Variants in PDZD2 observed in about 807,000 individuals in gnomAD.
PDZD2 encodes PDZ domain containing 2, also known as PDZ domain-containing protein 2.
A neutral mutation model predicts 220.7 loss-of-function variants in PDZD2; 90 were observed. The ratio of observed to expected loss-of-function variants is 0.41; its 90% confidence interval spans 0.34 to 0.49. The LOEUF (loss-of-function observed/expected upper bound fraction) is 0.49. Among genes scored for constraint, PDZD2 ranks in the 20% least tolerant of loss-of-function variants. The probability of loss-of-function intolerance (pLI) is 0.28; values close to 1 mark genes in which losing one functional copy is unlikely to be tolerated. For synonymous variants in PDZD2, 1,375 were observed against 1,450.5 expected (o/e 0.95, Z 1.18); for missense variants, 3,174 against 3,608.5 (o/e 0.88, Z 3.08).
intron 2 of PDZD2, among the ~76,000 whole-genome samples, chr5:31,812,410 G>A (rs1755177998): frequency 6.6e-6 from 1 of 152,160 alleles, no homozygotes; most frequent in Non-Finnish European, 1.5e-5. Flanking sequence ...CATATGCTGA[G>A]GGAAGGGGAG....
chr5:31,961,660 T>G (rs2111700834), intron 2 of PDZD2, among the ~76,000 whole-genome samples: 1 of 152,342 alleles, frequency 6.6e-6, no homozygotes, highest in African/African-American at 2.4e-5. Context: ...TGTTTGTTTT[T>G]TTGAGACGAT....
chr5:31,780,313 G>A (rs527440220), intron 1 of PDZD2, among the ~76,000 whole-genome samples: 116 of 37,180 alleles, frequency 3.1e-3, no homozygotes, highest in Middle Eastern at 0.013. Flanking sequence ...AAGGATGCCG[G>A]GGGGGCTTCA....
intron 2 of PDZD2, among the ~76,000 whole-genome samples, chr5:31,850,224 A>ATACCT (rs1491134695): frequency 1.6e-5 from 1 of 62,174 alleles, no homozygotes; most frequent in Non-Finnish European, 3.0e-5. Context: ...GTATATATAT[A>ATACCT]AGTATATATA....
At chr5:31,776,195 T>A (rs1346512277) in intron 1 of PDZD2, among the ~76,000 whole-genome samples, 4 of 152,126 alleles carry the variant, frequency 2.6e-5, no homozygotes, top group African/African-American at 9.7e-5. Flanking sequence ...CTTGGACTCC[T>A]CCTCTTCTCT....
rs371491243 is a variant in PDZD2, at chr5:32,018,491, G to A, written c.1407+8009G>A. 4.6e-5 allele frequency among the ~76,000 whole-genome samples: 7 copies of A among 152,342 alleles called. No homozygotes were observed. In the East Asian group the frequency reaches 1.2e-3, roughly 25 times the overall value. On this transcript the variant is annotated intron_variant, in intron 6 of 24. Coordinates refer to ENST00000438447, the MANE Select transcript of PDZD2 (RefSeq NM_178140.4). ...CTTAGAAGCACAGATCCCCCAACCT[G>A]CTCCGGATCCTCATGAGCACAGACT...
At chr5:31,734,745 T>G (rs1749747731) in intron 1 of PDZD2, among the ~76,000 whole-genome samples, 1 of 152,148 alleles carries the variant, frequency 6.6e-6, no homozygotes, top group Non-Finnish European at 1.5e-5. Flanking sequence ...GGGCTGAAAG[T>G]ACCCAATCAC....
chr5:32,078,667 A>G (rs1273386262), intron 19 of PDZD2, among the ~76,000 whole-genome samples: 1 of 145,096 alleles, frequency 6.9e-6, no homozygotes. Flanking sequence ...AAAGGAAATT[A>G]GTTAGATGTG....
intron 1 of PDZD2, among the ~76,000 whole-genome samples, chr5:31,720,429 T>C (rs900647959): frequency 4.6e-5 from 7 of 152,254 alleles, no homozygotes; most frequent in African/African-American, 1.7e-4. Flanking sequence ...GGTATGCTTA[T>C]GTCATGATGA....
intron 2 of PDZD2, among the ~76,000 whole-genome samples, chr5:31,942,291 A>G (rs1444840446): frequency 1.3e-5 from 2 of 152,196 alleles, no homozygotes; most frequent in Non-Finnish European, 2.9e-5. Context: ...TAGAATGTTC[A>G]GACTGCAAGG....
intron 2 of PDZD2, among the ~76,000 whole-genome samples, chr5:31,872,131 T>C (rs1738866611): frequency 9.6e-6 from 1 of 104,368 alleles, no homozygotes; most frequent in Admixed American, 1.0e-4. Context: ...GTTGAGCAGA[T>C]TAAGGTGAGT....
At chr5:31,903,908 G>T (rs1203330431) in intron 2 of PDZD2, among the ~76,000 whole-genome samples, 1 of 151,954 alleles carries the variant, frequency 6.6e-6, no homozygotes, top group Non-Finnish European at 1.5e-5. Flanking sequence ...ATTTTTAGTA[G>T]AGACGGGGTT....
chr5:31,702,720 T>C (rs1279658577), intron 1 of PDZD2, among the ~76,000 whole-genome samples: 1 of 152,268 alleles, frequency 6.6e-6, no homozygotes, highest in Non-Finnish European at 1.5e-5. Flanking sequence ...GAAGACCCAG[T>C]GTTTCTTTGT....
At position 32,110,324 on chromosome 5, in the gene PDZD2, A is replaced by G. The variant is rs1182560246; in HGVS notation, c.*2189A>G. On this transcript the variant is annotated 3_prime_UTR_variant, in exon 25 of 25. Coordinates refer to ENST00000438447, the MANE Select transcript of PDZD2 (RefSeq NM_178140.4). ...AGACCTCTGGCTTACCACATACACT[A>G]TGCTAAAGTCATCAGCCACTGCTAC... The G allele has an allele frequency of 1.3e-5, 2 of 152,646 alleles. No individual in the cohort carries two copies. Among genetic ancestry groups the G allele is most frequent in the Non-Finnish European group, 2.9e-5 (2 of 68,042 alleles). 9.5% of individuals were successfully genotyped at this position (152,646 alleles called of 1,614,324 possible).
At chr5:31,956,639 G>A (rs1712116531) in intron 2 of PDZD2, among the ~76,000 whole-genome samples, 2 of 150,030 alleles carry the variant, frequency 1.3e-5, no homozygotes, top group Admixed American at 1.3e-4. Flanking sequence ...CATGCCTGTA[G>A]TCACAGCTAT....
intron 2 of PDZD2, among the ~76,000 whole-genome samples, chr5:31,975,863 G>A (rs542781601): frequency 6.3e-5 from 9 of 143,550 alleles, no homozygotes; most frequent in African/African-American, 2.3e-4. Flanking sequence ...GAGTGAGGTG[G>A]CAGAGTCATG....
intron 2 of PDZD2, chr5:31,855,013 G>A: frequency 1.0e-6 from 1 of 985,418 alleles, no homozygotes; most frequent in Non-Finnish European, 1.2e-6. Flanking sequence ...AGCCGCCCCA[G>A]GCCCCCGGGC....
chr5:32,086,843 ATTTTTTTTTT>A (rs10710224), intron 19 of PDZD2, among the ~76,000 whole-genome samples: 19 of 85,214 alleles, frequency 2.2e-4, no homozygotes, highest in Admixed American at 1.9e-3. Context: ...TGCCCAGCTA[ATTTTTTTTTT>A]TTTTTTTTTT....
At chr5:31,918,551 G>A (rs183730396) in intron 2 of PDZD2, among the ~76,000 whole-genome samples, 150 of 152,322 alleles carry the variant, frequency 9.8e-4, no homozygotes, top group African/African-American at 3.5e-3. Flanking sequence ...CTGTCTCAGG[G>A]ATAACCTTTC....
intron 6 of PDZD2, among the ~76,000 whole-genome samples, chr5:32,012,514 G>T (rs1753408032): frequency 6.6e-6 from 1 of 152,030 alleles, no homozygotes; most frequent in South Asian, 2.1e-4. Context: ...CTCCCGAGTA[G>T]CTGGGACTAC....
Sources: allele counts gnomAD v4.1 joint callset (sites outside exome capture counted in the v4.1 genomes callset), GRCh38; gene constraint gnomAD v4.1.1; transcripts MANE v1.5; gene names NCBI Gene and HGNC (gene_info 2026-07-23, HGNC 2026-07-21).